DAB2: variants seen among roughly 807,000 people sequenced by gnomAD.
DAB2 encodes the protein disabled homolog 2.
A neutral mutation model predicts 71.6 loss-of-function variants in DAB2; 28 were observed. The observed-to-expected ratio is 0.39, with a 90% CI of 0.29 to 0.54. The LOEUF is 0.54. DAB2 is among the 20% of genes least tolerant of loss of function. DAB2 has a pLI of 0.68. For missense variants in DAB2, 867 were observed against 928.8 expected, an observed-to-expected ratio of 0.93 and a Z score of 0.86; for synonymous variants, 345 against 339.7, an observed-to-expected ratio of 1.02 and a Z score of -0.17.
intron 1 of DAB2, among the ~76,000 whole-genome samples, chr5:39,421,489 T>G (rs1231931245): frequency 1.3e-5 from 2 of 152,174 alleles, no homozygotes; most frequent in Non-Finnish European, 2.9e-5. Context: ...TGCAACCCTG[T>G]AGCTAAGATT....
intron 9 of DAB2, 92 bp downstream of exon 9, chr5:39,388,213 G>A: frequency 1.1e-6 from 1 of 914,388 alleles, no homozygotes; most frequent in South Asian, 1.5e-5. Flanking sequence ...CACCTTCCAA[G>A]TTTCAATGAG....
intron 1 of DAB2, among the ~76,000 whole-genome samples, chr5:39,423,077 G>T (rs1236913979): frequency 6.6e-6 from 1 of 152,164 alleles, no homozygotes; most frequent in Non-Finnish European, 1.5e-5. Flanking sequence ...ACTTATTCTG[G>T]TTATACATTA....
At chr5:39,421,509 G>A (rs549953556) in intron 1 of DAB2, among the ~76,000 whole-genome samples, 2 of 152,286 alleles carry the variant, frequency 1.3e-5, no homozygotes, top group South Asian at 4.1e-4. Context: ...TTGAACCCAG[G>A]AAATGGTACT....
intron 1 of DAB2, among the ~76,000 whole-genome samples, chr5:39,419,973 A>T (rs1417053286): frequency 6.6e-6 from 1 of 152,212 alleles, no homozygotes; most frequent in Non-Finnish European, 1.5e-5. Flanking sequence ...TATGATTTCC[A>T]CTGAAGAAGT....
At chr5:39,409,223 A>G (rs963746480) in intron 1 of DAB2, among the ~76,000 whole-genome samples, 26 of 152,164 alleles carry the variant, frequency 1.7e-4, no homozygotes, top group Admixed American at 1.2e-3. Flanking sequence ...GCTAAAGTTC[A>G]CATCTGTCAT....
Position 39,381,529 on chromosome 5 carries a change from T to A in DAB2, c.1429A>T (p.Thr477Ser), listed in dbSNP as rs1370802124. 11 of 1,614,142 alleles carry A rather than the reference T, an allele frequency of 6.8e-6. No individual in the cohort carries two copies. Among genetic ancestry groups the A allele is most frequent in the Non-Finnish European group, 9.3e-6 (11 of 1,179,998 alleles). ...TCCAGAGGGTTGGGCTGCAGGGCTG[T>A]AGGTTGTCCTGTGGGTGACGCCTGG... ...SGQASPTGQP[T>S]ALQPNPLDLF... The change falls in exon 11 of 15, where the codon ACA becomes TCA. Residue 477 changes from threonine to serine, a missense_variant. Physicochemically the swap from Thr to Ser is moderately conservative, Grantham distance 58. Around this residue, in one of 2 missense-constraint regions of DAB2, gnomAD observed 740 missense variants for 734.3 expected, o/e 1.01. Coordinates refer to ENST00000320816, the MANE Select transcript of DAB2 (RefSeq NM_001343.4).
At chr5:39,411,488 T>A (rs1166236448) in intron 1 of DAB2, among the ~76,000 whole-genome samples, 1 of 152,200 alleles carries the variant, frequency 6.6e-6, no homozygotes, top group Non-Finnish European at 1.5e-5. Context: ...GTAGCCTCTC[T>A]GTATGCTTCT....
chr5:39,391,708 A>G (rs1036267485), intron 4 of DAB2, among the ~76,000 whole-genome samples: 21 of 152,174 alleles, frequency 1.4e-4, no homozygotes, highest in African/African-American at 5.1e-4. Context: ...TTGATGTATG[A>G]TAAATAGCTT....
intron 1 of DAB2, among the ~76,000 whole-genome samples, chr5:39,410,494 T>C (rs770643527): frequency 4.7e-5 from 7 of 149,748 alleles, no homozygotes; most frequent in Non-Finnish European, 8.9e-5. Flanking sequence ...TGGGATATTT[T>C]AAAAGGCAAT....
chr5:39,394,266 C>G lies in DAB2; in HGVS notation c.55G>C (p.Ala19Pro). 1.2e-6 allele frequency: 2 copies of G among 1,614,054 alleles called. No homozygotes were observed. The highest frequency in any genetic ancestry group is 1.7e-6 in the Non-Finnish European group (2 of 1,179,976). ...TCCTTCTTTGAGGGTGCTTTTGGTG[C>G]GGCCTGTTGGTCGGGCTGACCATTG... ...ATNGQPDQQA[A>P]PKAPSKKEKK... Residue 19 changes from alanine (A) to proline (P), a missense_variant, in exon 2 of 15, where the codon GCA becomes CCA. Around this residue, in one of 2 missense-constraint regions of DAB2, gnomAD observed 127 missense variants for 194.4 expected, o/e 0.65. Transcript: ENST00000320816.
intron 1 of DAB2, among the ~76,000 whole-genome samples, chr5:39,405,200 G>C (rs1044319699): frequency 9.2e-5 from 14 of 152,186 alleles, no homozygotes; most frequent in Non-Finnish European, 1.6e-4. Context: ...AGCAGTGTCA[G>C]AATGTCCTTT....
chr5:39,373,712 A>G (rs1754754109), intron 14 of DAB2, among the ~76,000 whole-genome samples: 1 of 152,156 alleles, frequency 6.6e-6, no homozygotes, highest in Non-Finnish European at 1.5e-5. Flanking sequence ...AAGGACCTCC[A>G]AAGAGAAGTC....
intron 1 of DAB2, among the ~76,000 whole-genome samples, chr5:39,409,131 T>TA (rs893104991): frequency 0.026 from 3,663 of 140,454 alleles, 81 homozygotes; most frequent in African/African-American, 0.055. Flanking sequence ...TTATGATTAT[T>TA]AAAAAAAAAA....
intron 9 of DAB2, chr5:39,387,560 C>T (rs886914007): frequency 3.9e-5 from 6 of 152,098 alleles, no homozygotes; most frequent in Admixed American, 2.6e-4. Flanking sequence ...GCTCAGGAAA[C>T]TGTTACATAA....
Position 39,393,239 on chromosome 5 carries a change from T to C in DAB2, c.231+15A>G, listed in dbSNP as rs1755278346. 1.2e-6 allele frequency: 2 copies of C among 1,612,822 alleles called. No homozygotes were observed. The highest frequency in any genetic ancestry group is 2.2e-5 in the South Asian group (2 of 90,920). On this transcript the variant is annotated intron_variant, in intron 3 of 14. Transcript: ENST00000320816. ...TTTGCTTAATATACAGATAAAGCAT[T>C]CATTTCCCTTTTACCTTTAGTTTCA...
intron 1 of DAB2, among the ~76,000 whole-genome samples, chr5:39,409,142 A>C (rs546158125): frequency 1.3e-5 from 2 of 152,218 alleles, no homozygotes; most frequent in South Asian, 2.1e-4. Context: ...AAAAAAAAAA[A>C]AACTCTAAAA....
At chr5:39,406,018 G>C (rs952009986) in intron 1 of DAB2, among the ~76,000 whole-genome samples, 4 of 152,074 alleles carry the variant, frequency 2.6e-5, no homozygotes, top group African/African-American at 9.7e-5. Context: ...TTTGGCAAAG[G>C]CTACTCTTTC....
At chr5:39,373,745 A>T (rs1013130531) in intron 14 of DAB2, among the ~76,000 whole-genome samples, 6 of 152,148 alleles carry the variant, frequency 3.9e-5, no homozygotes, top group African/African-American at 1.4e-4. Context: ...TTTAGTCCAT[A>T]CAATCCATCT....
chr5:39,407,955 A>G (rs905553825), intron 1 of DAB2, among the ~76,000 whole-genome samples: 1 of 152,240 alleles, frequency 6.6e-6, no homozygotes, highest in African/African-American at 2.4e-5. Context: ...TCCGAAAACC[A>G]GTGCAAGAAA....
Sources: gnomAD v4.1 joint callset for allele counts (sites outside exome capture counted in the v4.1 genomes callset) on GRCh38, gnomAD v4.1.1 for gene constraint, gnomAD v4.1.1 regional missense constraint, MANE v1.5 for transcripts, NCBI Gene and HGNC (gene_info 2026-07-23, HGNC 2026-07-21) for gene names.